The following MPPED2 variants were observed in gnomAD, a reference collection of about 807,000 sequenced individuals.
The protein encoded by MPPED2 is metallophosphoesterase MPPED2.
A neutral mutation model predicts 33.0 loss-of-function variants in MPPED2; 5 were observed. That is an observed-to-expected ratio of 0.15 (90% confidence interval 0.08 to 0.32). The LOEUF (loss-of-function observed/expected upper bound fraction) is 0.32. MPPED2 is among the 10% of genes least tolerant of loss of function. The pLI, the probability that MPPED2 is intolerant of heterozygous loss-of-function variation, is 1.00. For synonymous variants in MPPED2, 136 were observed against 141.9 expected, an observed-to-expected ratio of 0.96 and a Z score of 0.29; for missense variants, 275 against 372.1, an observed-to-expected ratio of 0.74 and a Z score of 2.15.
intron 6 of MPPED2, among the ~76,000 whole-genome samples, chr11:30,396,625 T>C (rs1252037978): frequency 6.6e-6 from 1 of 152,142 alleles, no homozygotes; most frequent in Non-Finnish European, 1.5e-5. Flanking sequence ...CTGATCAGCT[T>C]CCACTCTTTT....
intron 4 of MPPED2, 112 bp downstream of exon 4, chr11:30,495,184 T>C (rs965411013): frequency 2.7e-6 from 2 of 743,684 alleles, no homozygotes; most frequent in East Asian, 5.2e-5. Context: ...AATACAGCAA[T>C]AAGGTTTCCT....
chr11:30,504,758 C>A (rs577235960), intron 3 of MPPED2: 1 of 1,288,136 alleles, frequency 7.8e-7, no homozygotes, highest in South Asian at 1.2e-5. Flanking sequence ...AGCCACACAG[C>A]AGGTTCAGAC....
rs35619209 is a variant in MPPED2, at chr11:30,489,052, C to CTTTTTTTTTTTTTTTTT, written c.536+6243_536+6244insAAAAAAAAAAAAAAAAA. ...TTTCTTTTTTCTTCTTCTTCTTCTC[C>CTTTTTTTTTTTTTTTTT]TTTTTTTTTTTTTTGCCTAAGTTAA... is the stretch of plus-strand genomic sequence containing the variant. On this transcript the variant is annotated intron_variant, in intron 4 of 6. Coordinates refer to ENST00000358117, the MANE Select transcript of MPPED2 (RefSeq NM_001584.3). 1.4e-5 allele frequency among the ~76,000 whole-genome samples: 2 copies of CTTTTTTTTTTTTTTTTT among 141,186 alleles called. 1 individual carries two copies. 92.6% of individuals were successfully genotyped at this position (141,186 alleles called of 152,430 possible).
chr11:30,551,469 A>G (rs1955709743), intron 2 of MPPED2, among the ~76,000 whole-genome samples: 1 of 152,160 alleles, frequency 6.6e-6, no homozygotes, highest in East Asian at 1.9e-4. Flanking sequence ...TAAGTTGAAA[A>G]ATTGTAAGTT....
chr11:30,433,468 C>T (rs1386673313), intron 4 of MPPED2, among the ~76,000 whole-genome samples: 1 of 152,150 alleles, frequency 6.6e-6, no homozygotes, highest in Non-Finnish European at 1.5e-5. Flanking sequence ...CTGTGATTAA[C>T]CTTATTTTAC....
At chr11:30,573,621 T>C (rs1385236715) in intron 2 of MPPED2, among the ~76,000 whole-genome samples, 2 of 152,162 alleles carry the variant, frequency 1.3e-5, no homozygotes. Flanking sequence ...CCTGACCCTA[T>C]GTAGGCCTAG....
intron 6 of MPPED2, among the ~76,000 whole-genome samples, chr11:30,398,606 C>T (rs930861470): frequency 2.0e-5 from 3 of 152,138 alleles, no homozygotes; most frequent in African/African-American, 7.2e-5. Flanking sequence ...CTCTGGGCTT[C>T]TTGTTTCTTG....
chr11:30,453,802 C>G (rs1413118521), intron 4 of MPPED2, among the ~76,000 whole-genome samples: 2 of 152,230 alleles, frequency 1.3e-5, no homozygotes, highest in Non-Finnish European at 2.9e-5. Context: ...CTTGATTACT[C>G]TCTTCAAAGG....
chr11:30,406,886 G>A (rs537533481), downstream of MPPED2, among the ~76,000 whole-genome samples: 2 of 152,246 alleles, frequency 1.3e-5, no homozygotes, highest in South Asian at 4.1e-4. Flanking sequence ...TAATTACACA[G>A]AAAGCATCTT....
At chr11:30,559,252 T>A (rs1234219963) in intron 2 of MPPED2, among the ~76,000 whole-genome samples, 2 of 152,190 alleles carry the variant, frequency 1.3e-5, no homozygotes, top group Admixed American at 6.5e-5. Flanking sequence ...CCCAACGGGA[T>A]CCCAGTGTTC....
intron 4 of MPPED2, among the ~76,000 whole-genome samples, chr11:30,444,336 CA>C (rs911946646): frequency 2.0e-5 from 3 of 152,054 alleles, no homozygotes; most frequent in African/African-American, 7.2e-5. Context: ...GCTTGTCTCA[CA>C]AAATGCTTCA....
intron 4 of MPPED2, among the ~76,000 whole-genome samples, chr11:30,455,182 A>G (rs1248553898): frequency 6.6e-6 from 1 of 152,218 alleles, no homozygotes. Flanking sequence ...ACGTCACTAC[A>G]TATTGCTGCA....
intron 6 of MPPED2, among the ~76,000 whole-genome samples, chr11:30,395,589 T>C (rs146489171): frequency 6.6e-6 from 1 of 152,336 alleles, no homozygotes; most frequent in African/African-American, 2.4e-5. Flanking sequence ...CAAAGGATAT[T>C]GTTCCCATGG....
At chr11:30,518,513 G>C (rs1202617009) in intron 3 of MPPED2, among the ~76,000 whole-genome samples, 1 of 152,208 alleles carries the variant, frequency 6.6e-6, no homozygotes, top group Non-Finnish European at 1.5e-5. Flanking sequence ...AATTAAATGT[G>C]TGATTTACCC....
At chr11:30,434,273 G>T (rs11031083) in intron 4 of MPPED2, among the ~76,000 whole-genome samples, 31,807 of 152,218 alleles carry the variant, frequency 0.21, 4,150 homozygotes, top group Non-Finnish European at 0.3. Flanking sequence ...ATGAGCTGAA[G>T]AGGAGGTGGG....
chr11:30,565,718 G>A (rs961234871), intron 2 of MPPED2, among the ~76,000 whole-genome samples: 4 of 152,120 alleles, frequency 2.6e-5, no homozygotes, highest in African/African-American at 9.7e-5. Flanking sequence ...CTCTTTCTTA[G>A]TATCTCCCCT....
rs7102899 is a variant in MPPED2, at chr11:30,472,124, G to C, written c.536+23172C>G. Among the ~76,000 whole-genome samples, 4 of 152,020 alleles carry C rather than the reference G, an allele frequency of 2.6e-5. No homozygotes were observed. The East Asian group carries it at 7.7e-4, about 29-fold the overall frequency. ...CCTGCCTGCAATCCCAGCACTTTGC[G>C]GGGGCAAGGCTGGAGGACAGTTTCA... On this transcript the variant is annotated intron_variant, in intron 4 of 6. Transcript: ENST00000358117.
At chr11:30,479,815 CT>C (rs1951398282) in intron 4 of MPPED2, among the ~76,000 whole-genome samples, 1 of 151,978 alleles carries the variant, frequency 6.6e-6, no homozygotes, top group Non-Finnish European at 1.5e-5. Flanking sequence ...ATAAAAGTGC[CT>C]TTTTTAGAAA....
chr11:30,441,571 G>T (rs542626770), intron 4 of MPPED2, among the ~76,000 whole-genome samples: 1 of 152,280 alleles, frequency 6.6e-6, no homozygotes, highest in Admixed American at 6.5e-5. Context: ...GGATCCAAAA[G>T]ATGCCCCCCT....
Sources: gnomAD v4.1 joint callset for allele counts (sites outside exome capture counted in the v4.1 genomes callset) on GRCh38, gnomAD v4.1.1 for gene constraint, MANE v1.5 for transcripts, NCBI Gene and HGNC (gene_info 2026-07-23, HGNC 2026-07-21) for gene names.